The following BIRC5 variants were observed in gnomAD, a reference collection of about 807,000 sequenced individuals.
BIRC5 encodes baculoviral IAP repeat-containing protein 5.
A neutral mutation model predicts 15.8 loss-of-function variants in BIRC5; 8 were observed. The ratio of observed to expected loss-of-function variants is 0.51; its 90% CI spans 0.30 to 0.91. The LOEUF (loss-of-function observed/expected upper bound fraction) is 0.91, where lower values mean the gene tolerates loss of function less well. Ranked by LOEUF, BIRC5 falls within the 40% of genes least tolerant of loss-of-function variation. The pLI is 0.07. For missense variants in BIRC5, 163 were observed against 178.6 expected (o/e 0.91, Z 0.50); for synonymous variants, 56 against 64.5 (o/e 0.87, Z 0.63).
At chr17:78,222,682 T>A in intron 3 of BIRC5, 9 of 1,228,074 alleles carry the variant, frequency 7.3e-6, no homozygotes, top group Non-Finnish European at 9.8e-6. Flanking sequence ...AAAGTAATTT[T>A]TTTTAAGTTA....
intron 3 of BIRC5, among the ~76,000 whole-genome samples, chr17:78,218,897 G>A (rs2145897178): frequency 6.6e-6 from 1 of 152,074 alleles, no homozygotes; most frequent in African/African-American, 2.4e-5. Context: ...GTGATCTACT[G>A]CACCAGGCCT....
In BIRC5 at chr17:78,223,645, A is replaced by AGCAATGTC. The variant is rs754622241; in HGVS notation, c.*92_*99dup. On this transcript the variant is annotated 3_prime_UTR_variant, in exon 4 of 4. Transcript: ENST00000350051. ...CCACCAGCCTTCCTGTGGGCCCCTT[A>AGCAATGTC]GCAATGTCTTAGGAAAGGAGATCAA... The AGCAATGTC allele has an allele frequency of 3.8e-6, 6 of 1,585,864 alleles. No homozygotes were observed. In the Admixed American group the frequency reaches 1.1e-4, roughly 29 times the overall value.
intron 3 of BIRC5, among the ~76,000 whole-genome samples, chr17:78,223,179 C>T (rs2076526648): frequency 6.6e-6 from 1 of 152,192 alleles, no homozygotes; most frequent in Non-Finnish European, 1.5e-5. Context: ...TCACTGTGAA[C>T]ATAAATCAGT....
intron 3 of BIRC5, among the ~76,000 whole-genome samples, chr17:78,219,331 T>C (rs2076500881): frequency 6.6e-6 from 1 of 152,118 alleles, no homozygotes; most frequent in Admixed American, 6.6e-5. Context: ...ATTATAGGTG[T>C]GTGCCACCAG....
intron 2 of BIRC5, 63 bp from the exon 3 acceptor site, chr17:78,216,600 TG>T: frequency 7.0e-7 from 1 of 1,437,130 alleles, no homozygotes; most frequent in Non-Finnish European, 9.8e-7. Flanking sequence ...AGGTGGCCCG[TG>T]GGGAGTGGAC....
chr17:78,215,847 G>T, intron 2 of BIRC5: 1 of 1,041,248 alleles, frequency 9.6e-7, no homozygotes, highest in Non-Finnish European at 1.2e-6. Flanking sequence ...TGCAGTTCTG[G>T]TAACGGTGAT....
In BIRC5 at chr17:78,215,972, G is replaced by C. The variant is rs752070613; in HGVS notation, c.222-692G>C. 4 of 1,064,918 alleles carry C rather than the reference G, an allele frequency of 3.8e-6. No homozygotes were observed. The African/African-American group carries it at 5.1e-5, about 13-fold the overall frequency. 66.0% of individuals were successfully genotyped at this position (1,064,918 alleles called of 1,614,324 possible). A position where few individuals can be genotyped will look rare whatever the true frequency, so the allele number is the denominator to read the frequency against. ...CTGCCCTTAATCCTTACAGTGGGCCGGGCACGGTGGCTTACGCCTGTAATA... is the reference window on the plus strand; with the variant it reads ...CTGCCCTTAATCCTTACAGTGGGCCCGGCACGGTGGCTTACGCCTGTAATA... On this transcript the variant is annotated intron_variant, in intron 2 of 3. Transcript: ENST00000350051.
chr17:78,221,330 T>C (rs2076513941), intron 3 of BIRC5, among the ~76,000 whole-genome samples: 1 of 151,996 alleles, frequency 6.6e-6, no homozygotes. Flanking sequence ...CAGCTCACTA[T>C]AGCCTCGACC....
intron 3 of BIRC5, among the ~76,000 whole-genome samples, chr17:78,219,511 G>A (rs1301687295): frequency 6.6e-6 from 1 of 152,106 alleles, no homozygotes; most frequent in Non-Finnish European, 1.5e-5. Flanking sequence ...TAAGTGCTAA[G>A]GACTGAGATT....
rs370922732 is a variant in BIRC5 at position 78,223,576 on chromosome 17, G to A, written c.*22G>A. 1.9e-6 allele frequency: 3 copies of A among 1,613,492 alleles called. No homozygotes were observed. The East Asian group carries it at 6.7e-5, about 36-fold the overall frequency. ...TTGAGGCCTCTGGCCGGAGCTGCCT[G>A]GTCCCAGAGTGGCTGCACCACTTCC... On this transcript the variant is annotated 3_prime_UTR_variant, in exon 4 of 4. Coordinates refer to ENST00000350051, the MANE Select transcript of BIRC5 (RefSeq NM_001168.3).
At position 78,214,351 on chromosome 17, in the gene BIRC5, C is replaced by T. The variant is rs1314138513; in HGVS notation, c.35C>T (p.Pro12Leu). Residue 12 changes from proline (P) to leucine (L), a missense_variant, in exon 1 of 4, where the codon CCC becomes CTC. Transcript: ENST00000350051. ...GAPTLPPAWQPFLKDHRISTF... is the reference protein window; with the variant it reads ...GAPTLPPAWQLFLKDHRISTF... ...CCGACGTTGCCCCCTGCCTGGCAGCCCTTTCTCAAGGACCACCGCATCTCT... is the reference window on the plus strand; with the variant it reads ...CCGACGTTGCCCCCTGCCTGGCAGCTCTTTCTCAAGGACCACCGCATCTCT... 1.2e-5 allele frequency: 19 copies of T among 1,608,848 alleles called. No individual in the cohort carries two copies. The highest frequency in any genetic ancestry group is 3.4e-5 in the Admixed American group (2 of 59,428).
chr17:78,222,958 G>C, intron 3 of BIRC5: 2 of 1,515,444 alleles, frequency 1.3e-6, no homozygotes, highest in Non-Finnish European at 1.8e-6. Context: ...GAAGAGGAAG[G>C]CTCTGGACTT....
Position 78,223,703 on chromosome 17 carries a change from T to C in BIRC5, c.*149T>C. 6.9e-7 allele frequency: 1 copy of C among 1,443,594 alleles called. No individual in the cohort carries two copies. Among genetic ancestry groups the C allele is most frequent in the Admixed American group, 2.8e-5 (1 of 36,356 alleles). The allele number at this position is 1,443,594 out of a possible 1,614,324, so 89.4% of individuals were successfully genotyped here. A position where few individuals can be genotyped will look rare whatever the true frequency, so the allele number is the denominator to read the frequency against. Reference sequence around the variant, plus strand: ...AAATTAGATGTTTCAACTGTGCTCTTGTTTTGTCTTGAAAGTGGCACCAGA... The same window carrying C: ...AAATTAGATGTTTCAACTGTGCTCTCGTTTTGTCTTGAAAGTGGCACCAGA... On this transcript the variant is annotated 3_prime_UTR_variant, in exon 4 of 4. Coordinates refer to ENST00000350051, the MANE Select transcript of BIRC5 (RefSeq NM_001168.3).
chr17:78,218,677 A>G (rs1599030320), intron 3 of BIRC5, among the ~76,000 whole-genome samples: 1 of 149,070 alleles, frequency 6.7e-6, no homozygotes, highest in Non-Finnish European at 1.5e-5. Flanking sequence ...ATCTCAGCTC[A>G]CTACAAGCTC....
chr17:78,222,307 A>T (rs953239502), intron 3 of BIRC5, among the ~76,000 whole-genome samples: 1 of 151,006 alleles, frequency 6.6e-6, no homozygotes, highest in Non-Finnish European at 1.5e-5. Flanking sequence ...AATTTATATT[A>T]AAAAATGACA....
chr17:78,222,534 G>T (rs971591053), intron 3 of BIRC5, among the ~76,000 whole-genome samples: 1 of 151,926 alleles, frequency 6.6e-6, no homozygotes. Flanking sequence ...GGGTGGTGGC[G>T]CATGCCTGTA....
chr17:78,222,235 C>A (rs745483212), intron 3 of BIRC5, among the ~76,000 whole-genome samples: 1 of 148,126 alleles, frequency 6.8e-6, no homozygotes, highest in Non-Finnish European at 1.5e-5. Flanking sequence ...GCACTGTTTT[C>A]TTTTTTCTTA....
chr17:78,217,654 A>G (rs17887088), intron 3 of BIRC5, among the ~76,000 whole-genome samples: 36 of 150,622 alleles, frequency 2.4e-4, no homozygotes, highest in African/African-American at 7.6e-4. Context: ...CCGCCACCAC[A>G]CCCGGCTAAT....
chr17:78,220,167 G>A (rs12944061), intron 3 of BIRC5, among the ~76,000 whole-genome samples: 57,681 of 151,960 alleles, frequency 0.38, 10,985 homozygotes, highest in Middle Eastern at 0.48. Context: ...GGTGGCTCAC[G>A]CCTGTAATCC....
Sources: gnomAD v4.1 joint callset for allele counts (sites outside exome capture counted in the v4.1 genomes callset) on GRCh38, gnomAD v4.1.1 for gene constraint, MANE v1.5 for transcripts, NCBI Gene and HGNC (gene_info 2026-07-23, HGNC 2026-07-21) for gene names.